Variants in LRRIQ3 observed in about 807,000 individuals in gnomAD.
LRRIQ3 encodes leucine-rich repeat and IQ domain-containing protein 3.
Under a neutral mutation model 59.3 loss-of-function variants are expected in LRRIQ3, and 75 were observed. The ratio of observed to expected loss-of-function variants is 1.26; its 90% confidence interval spans 1.05 to 1.53. The LOEUF (loss-of-function observed/expected upper bound fraction) is 1.53. Ranked by LOEUF, LRRIQ3 falls within the 40% of genes most tolerant of loss-of-function variation. The pLI is 0.00. For missense variants in LRRIQ3, 831 were observed against 710.0 expected (o/e 1.17, Z -1.94); for synonymous variants, 250 against 231.3 (o/e 1.08, Z -0.73).
At chr1:74,141,555 A>G (rs545904354) in intron 4 of LRRIQ3, among the ~76,000 whole-genome samples, 3 of 151,992 alleles carry the variant, frequency 2.0e-5, no homozygotes, top group East Asian at 1.9e-4. Context: ...GAACACACCA[A>G]TGTAGACATT....
At chr1:74,173,724 T>A (rs966743838) in intron 3 of LRRIQ3, among the ~76,000 whole-genome samples, 5 of 151,962 alleles carry the variant, frequency 3.3e-5, no homozygotes, top group East Asian at 1.9e-4. Context: ...ATTGAAACAA[T>A]AAAAAATAAT....
intron 5 of LRRIQ3, chr1:74,108,978 A>C (rs1423520194): frequency 3.4e-6 from 1 of 290,450 alleles, no homozygotes; most frequent in Non-Finnish European, 6.6e-6. Flanking sequence ...AACATAAATA[A>C]ATTTCTTTCA....
intron 6 of LRRIQ3, among the ~76,000 whole-genome samples, chr1:74,067,929 C>T (rs946257849): frequency 6.6e-6 from 1 of 152,034 alleles, no homozygotes; most frequent in African/African-American, 2.4e-5. Context: ...AAACCAGCTA[C>T]TTTTCTGAGC....
At chr1:74,189,138 T>C (rs899237817) in intron 1 of LRRIQ3, among the ~76,000 whole-genome samples, 1 of 152,116 alleles carries the variant, frequency 6.6e-6, no homozygotes, top group African/African-American at 2.4e-5. Flanking sequence ...AACCAGTCTT[T>C]CTTTCCATAC....
At chr1:74,111,660 A>G in intron 4 of LRRIQ3, among the ~76,000 whole-genome samples, 1 of 152,224 alleles carries the variant, frequency 6.6e-6, no homozygotes, top group African/African-American at 2.4e-5. Flanking sequence ...AAGGGCATAC[A>G]GCAAAATAAA....
intron 4 of LRRIQ3, among the ~76,000 whole-genome samples, chr1:74,120,774 G>T (rs964091821): frequency 3.3e-5 from 5 of 151,910 alleles, no homozygotes; most frequent in Admixed American, 6.6e-5. Flanking sequence ...TTATTAGAAA[G>T]AGTGTTAATT....
chr1:74,148,086 A>C (rs1054540186), intron 4 of LRRIQ3, among the ~76,000 whole-genome samples: 25 of 152,240 alleles, frequency 1.6e-4, no homozygotes, highest in African/African-American at 5.5e-4. Context: ...GAATCTGTTT[A>C]TAGAGATTTA....
intron 6 of LRRIQ3, among the ~76,000 whole-genome samples, chr1:74,048,851 A>C (rs1436517188): frequency 6.6e-6 from 1 of 152,182 alleles, no homozygotes; most frequent in Non-Finnish European, 1.5e-5. Context: ...TTCTAAACAA[A>C]ATACATGAGG....
chr1:74,134,009 T>C (rs2100618684), intron 4 of LRRIQ3, among the ~76,000 whole-genome samples: 1 of 152,112 alleles, frequency 6.6e-6, no homozygotes, highest in East Asian at 1.9e-4. Context: ...CAAGTATTAT[T>C]TATGAGAGTA....
intron 6 of LRRIQ3, among the ~76,000 whole-genome samples, chr1:74,063,820 A>G (rs1198780554): frequency 6.6e-6 from 1 of 151,444 alleles, no homozygotes; most frequent in African/African-American, 2.4e-5. Flanking sequence ...ATGTAGGTAG[A>G]TTGTTTTTAA....
intron 1 of LRRIQ3, among the ~76,000 whole-genome samples, chr1:74,192,717 G>C (rs1650846023): frequency 6.6e-6 from 1 of 151,802 alleles, no homozygotes; most frequent in Non-Finnish European, 1.5e-5. Context: ...AATAATACTG[G>C]TTATTGCTAT....
intron 7 of LRRIQ3, 21 bp from the exon 8 acceptor site, chr1:74,026,990 A>G: frequency 6.9e-7 from 1 of 1,449,456 alleles, no homozygotes; most frequent in East Asian, 2.3e-5. Flanking sequence ...AAAGAAAGGT[A>G]ATAGAATGAG....
At chr1:74,170,188 C>A (rs1649236337) in intron 3 of LRRIQ3, among the ~76,000 whole-genome samples, 1 of 152,078 alleles carries the variant, frequency 6.6e-6, no homozygotes, top group Admixed American at 6.6e-5. Flanking sequence ...TTGATGTAGT[C>A]TTAATGGACT....
At chr1:74,169,685 G>C (rs2100696545) in intron 3 of LRRIQ3, among the ~76,000 whole-genome samples, 1 of 152,094 alleles carries the variant, frequency 6.6e-6, no homozygotes, top group Middle Eastern at 3.4e-3. Flanking sequence ...CCAAATAGCT[G>C]AGACTACAAG....
At chr1:74,173,518 T>C (rs939459060) in intron 3 of LRRIQ3, among the ~76,000 whole-genome samples, 1 of 151,988 alleles carries the variant, frequency 6.6e-6, no homozygotes. Flanking sequence ...GTATCTACCA[T>C]AGGTTTTTTC....
At chr1:74,150,523 T>C (rs569413553) in intron 4 of LRRIQ3, among the ~76,000 whole-genome samples, 2 of 152,262 alleles carry the variant, frequency 1.3e-5, no homozygotes, top group African/African-American at 2.4e-5. Context: ...TTCCAATATG[T>C]ATATTAATGT....
chr1:74,103,554 CAAT>C (rs1288565951), intron 5 of LRRIQ3, among the ~76,000 whole-genome samples: 3 of 151,846 alleles, frequency 2.0e-5, no homozygotes, highest in Non-Finnish European at 4.4e-5. Context: ...TTTCACAAAA[CAAT>C]GACATAAATT....
At chr1:74,131,254 G>C (rs1647013893) in intron 4 of LRRIQ3, among the ~76,000 whole-genome samples, 1 of 151,998 alleles carries the variant, frequency 6.6e-6, no homozygotes, top group Admixed American at 6.6e-5. Flanking sequence ...ACCAAAAAAA[G>C]TCCAGGACCA....
intron 5 of LRRIQ3, among the ~76,000 whole-genome samples, chr1:74,090,680 G>C (rs1158202809): frequency 3.3e-5 from 5 of 151,912 alleles, no homozygotes; most frequent in Non-Finnish European, 7.4e-5. Context: ...TTGAGCCCAG[G>C]ATTTCAAGAC....
Sources: allele counts gnomAD v4.1 joint callset (sites outside exome capture counted in the v4.1 genomes callset), GRCh38; gene constraint gnomAD v4.1.1; transcripts MANE v1.5; gene names NCBI Gene and HGNC (gene_info 2026-07-23, HGNC 2026-07-21).